Variants in UBE2E3 observed in about 807,000 individuals in gnomAD.
The protein encoded by UBE2E3 is ubiquitin conjugating enzyme E2 E3, also known as ubiquitin-conjugating enzyme E2 E3.
Under a neutral mutation model 23.6 loss-of-function variants are expected in UBE2E3, and 5 were observed. The ratio of observed to expected loss-of-function variants is 0.21; its 90% CI spans 0.11 to 0.44. The LOEUF (loss-of-function observed/expected upper bound fraction) is 0.44, where lower values mean the gene tolerates loss of function less well. Ranked by LOEUF, UBE2E3 falls within the 20% of genes least tolerant of loss-of-function variation. UBE2E3 has a pLI of 0.99. For synonymous variants in UBE2E3, 78 were observed against 87.5 expected (o/e 0.89, Z 0.60); for missense variants, 81 against 249.8 (o/e 0.32, Z 4.55).
chr2:181,015,695 G>A (rs541382653), intron 3 of UBE2E3, among the ~76,000 whole-genome samples: 24 of 152,110 alleles, frequency 1.6e-4, no homozygotes, highest in East Asian at 5.8e-4. Context: ...AGGAAAAATC[G>A]ACATTTAAAA....
intron 3 of UBE2E3, among the ~76,000 whole-genome samples, chr2:181,047,802 T>C (rs1440739653): frequency 6.6e-6 from 1 of 151,498 alleles, no homozygotes; most frequent in East Asian, 1.9e-4. Context: ...TGAGGAGGCC[T>C]TGCAAAATGT....
chr2:181,048,354 ATTTGT>A (rs1686732749), intron 3 of UBE2E3, among the ~76,000 whole-genome samples: 1 of 152,136 alleles, frequency 6.6e-6, no homozygotes, highest in Non-Finnish European at 1.5e-5. Context: ...GAATGAATGA[ATTTGT>A]TTTCTTTATT....
chr2:181,051,543 T>C (rs1686845092), intron 3 of UBE2E3, among the ~76,000 whole-genome samples: 1 of 151,808 alleles, frequency 6.6e-6, no homozygotes. Flanking sequence ...TAAGGGCTCC[T>C]CTTTCTAATC....
chr2:181,004,794 A>G (rs972039534), intron 3 of UBE2E3, among the ~76,000 whole-genome samples: 1 of 152,170 alleles, frequency 6.6e-6, no homozygotes, highest in Non-Finnish European at 1.5e-5. Flanking sequence ...TGAAAAAAGT[A>G]ATATATATAT....
chr2:181,036,557 C>T (rs1165089334), intron 3 of UBE2E3, among the ~76,000 whole-genome samples: 1 of 152,068 alleles, frequency 6.6e-6, no homozygotes, highest in Non-Finnish European at 1.5e-5. Flanking sequence ...AATTGGTGTG[C>T]CTAAATTGTC....
At chr2:181,009,075 T>G (rs182872048) in intron 3 of UBE2E3, among the ~76,000 whole-genome samples, 279 of 152,286 alleles carry the variant, frequency 1.8e-3, no homozygotes, top group Admixed American at 6.0e-3. Context: ...TATAAAATCG[T>G]TAAAAGGTAA....
At chr2:181,053,175 C>G (rs181438476) in intron 3 of UBE2E3, among the ~76,000 whole-genome samples, 48 of 151,916 alleles carry the variant, frequency 3.2e-4, no homozygotes, top group African/African-American at 1.1e-3. Flanking sequence ...GAATACCTGC[C>G]AACTACATGA....
chr2:180,990,194 T>C (rs1238494868), intron 3 of UBE2E3: 3 of 514,310 alleles, frequency 5.8e-6, no homozygotes, highest in Admixed American at 3.2e-5. Flanking sequence ...TAGGCGACAA[T>C]TGGTAATGCC....
chr2:180,980,366 G>C (rs1219558948), upstream of UBE2E3: 1 of 151,886 alleles, frequency 6.6e-6, no homozygotes, highest in South Asian at 2.1e-4. This position sits in a 1 kb window ranked among gnomAD's most constrained non-coding sequence, Gnocchi z 5.5. Context: ...CTCTGGCACA[G>C]GCTCCGCGGC....
intron 3 of UBE2E3, among the ~76,000 whole-genome samples, chr2:181,022,854 A>T (rs1685752866): frequency 6.6e-6 from 1 of 152,192 alleles, no homozygotes; most frequent in South Asian, 2.1e-4. Context: ...TTGTCTGTAA[A>T]TGACTGCAAA....
In UBE2E3 at chr2:181,057,798, A is replaced by G; in HGVS notation, c.351A>G (p.Ser117=). The G allele has an allele frequency of 6.2e-7, 1 of 1,611,422 alleles. No homozygotes were observed. ...TGTTTTTTCTGGATATCACATTTTC[A>G]TCAGATTATCCATTTAAGCCACCAA... is the stretch of plus-strand genomic sequence containing the variant. ...GGVFFLDITF[S]SDYPFKPPKV... Residue 117 remains serine, a synonymous_variant, in exon 4 of 6, where the codon TCA becomes TCG. Transcript: ENST00000410062.
chr2:180,983,835 C>T (rs1410335769), intron 2 of UBE2E3, among the ~76,000 whole-genome samples: 3 of 152,162 alleles, frequency 2.0e-5, no homozygotes, highest in African/African-American at 7.2e-5. Context: ...TACTTGTTTG[C>T]AGCAGCAAGT....
At chr2:180,986,677 C>A (rs1355814519) in intron 3 of UBE2E3, among the ~76,000 whole-genome samples, 11 of 152,006 alleles carry the variant, frequency 7.2e-5, no homozygotes, top group Admixed American at 7.2e-4. Flanking sequence ...TCTATGAAAC[C>A]TAATACATTT....
At chr2:180,989,959 C>T (rs1210258874) in intron 3 of UBE2E3, 2 of 1,548,034 alleles carry the variant, frequency 1.3e-6, no homozygotes, top group Non-Finnish European at 1.7e-6. Flanking sequence ...GTCTCTTCTT[C>T]CCTATCAATA....
intron 3 of UBE2E3, among the ~76,000 whole-genome samples, chr2:181,022,739 CAAAA>C (rs35485120): frequency 6.9e-6 from 1 of 145,690 alleles, no homozygotes; most frequent in African/African-American, 2.5e-5. Context: ...AAACAAAAAA[CAAAA>C]AAAAAACCCC....
At chr2:181,031,527 T>C (rs1450077707) in intron 3 of UBE2E3, among the ~76,000 whole-genome samples, 3 of 152,168 alleles carry the variant, frequency 2.0e-5, no homozygotes, top group Non-Finnish European at 4.4e-5. Context: ...TTATTTAGTC[T>C]GACAGTCTTT....
intron 3 of UBE2E3, among the ~76,000 whole-genome samples, chr2:181,018,598 G>GTTTT (rs4018770): frequency 1.6e-5 from 2 of 129,004 alleles, no homozygotes; most frequent in East Asian, 2.3e-4. Flanking sequence ...CAATTTCTGT[G>GTTTT]TTTTTTTTTT....
chr2:180,997,617 A>G (rs1684866165), intron 3 of UBE2E3, among the ~76,000 whole-genome samples: 1 of 152,140 alleles, frequency 6.6e-6, no homozygotes, highest in Non-Finnish European at 1.5e-5. Context: ...TTAGAATCCT[A>G]GTGGTTGTCT....
intron 3 of UBE2E3, among the ~76,000 whole-genome samples, chr2:181,031,727 C>T (rs181278486): frequency 3.4e-4 from 51 of 152,176 alleles, no homozygotes; most frequent in Non-Finnish European, 5.7e-4. Context: ...CTTCTTTACA[C>T]CCATTTTTGG....
Sources: allele counts gnomAD v4.1 joint callset (sites outside exome capture counted in the v4.1 genomes callset), GRCh38; gene constraint gnomAD v4.1.1; non-coding constraint Gnocchi (gnomAD v3.1); transcripts MANE v1.5; gene names NCBI Gene and HGNC (gene_info 2026-07-23, HGNC 2026-07-21).